Variants in EDN1 observed in about 807,000 individuals in gnomAD.
EDN1 encodes the protein endothelin 1.
Under a neutral mutation model 21.7 loss-of-function variants are expected in EDN1, and 11 were observed. The observed-to-expected ratio is 0.51, with a 90% confidence interval of 0.32 to 0.84. The LOEUF (loss-of-function observed/expected upper bound fraction) is 0.84, where lower values mean the gene tolerates loss of function less well. Ranked by LOEUF, EDN1 falls within the 40% of genes least tolerant of loss-of-function variation. The pLI, the probability that EDN1 is intolerant of heterozygous loss-of-function variation, is 0.03. For synonymous variants in EDN1, 85 were observed against 90.6 expected (o/e 0.94, Z 0.35); for missense variants, 244 against 262.3 (o/e 0.93, Z 0.48).
At position 12,294,055 on chromosome 6, in the gene EDN1, C is replaced by A; in HGVS notation, c.348C>A (p.Asp116Glu). ...ENRCQCASQKDKKCWNFCQAG... is the reference protein window; with the variant it reads ...ENRCQCASQKEKKCWNFCQAG... ...GATGCCAATGTGCTAGCCAAAAAGA[C>A]AAGAAGTGCTGGAATTTTTGCCAAG... Residue 116 changes from aspartate to glutamate, a missense_variant, in exon 3 of 5, where the codon GAC (aspartate) becomes GAA (glutamate). Physicochemically the swap from Asp to Glu is conservative, Grantham distance 45. Transcript: ENST00000379375. The A allele has an allele frequency of 2.5e-6, 4 of 1,614,168 alleles. No homozygotes were observed. Among genetic ancestry groups the A allele is most frequent in the Non-Finnish European group, 3.4e-6 (4 of 1,180,042 alleles).
the EDN1 span, among the ~76,000 whole-genome samples, chr6:12,251,626 T>A: frequency 5.3e-5 from 8 of 152,162 alleles, no homozygotes; most frequent in Non-Finnish European, 1.2e-4. Flanking sequence ...CCTGAAACAC[T>A]AAAACTCCCT....
the EDN1 span, among the ~76,000 whole-genome samples, chr6:12,266,856 A>G: frequency 3.3e-5 from 5 of 152,300 alleles, no homozygotes; most frequent in Middle Eastern, 3.4e-3. Context: ...GTGGTAGGGA[A>G]GAAGGGCAAA....
chr6:12,239,029 A>G, the EDN1 span, among the ~76,000 whole-genome samples: 1 of 152,228 alleles, frequency 6.6e-6, no homozygotes, highest in Non-Finnish European at 1.5e-5. Context: ...TCTTCAGTAT[A>G]AATTAGGCAG....
chr6:12,260,487 T>C, the EDN1 span, among the ~76,000 whole-genome samples: 1 of 152,222 alleles, frequency 6.6e-6, no homozygotes, highest in African/African-American at 2.4e-5. Context: ...TTTCCTGTTT[T>C]ATCAGTTTTA....
the EDN1 span, among the ~76,000 whole-genome samples, chr6:12,271,246 T>A: frequency 6.6e-6 from 1 of 152,154 alleles, no homozygotes; most frequent in East Asian, 1.9e-4. Context: ...GTTTTGTTTA[T>A]CTTCTGTCTC....
At chr6:12,289,326 A>AAATAT (rs1762618439), upstream of EDN1, among the ~76,000 whole-genome samples, 1 of 152,190 alleles carries the variant, frequency 6.6e-6, no homozygotes, top group East Asian at 1.9e-4. Context: ...CAAAAAAAAG[A>AAATAT]GTCCCAGAAA....
chr6:12,289,951 A>T (rs938250760), upstream of EDN1, among the ~76,000 whole-genome samples: 6 of 152,040 alleles, frequency 3.9e-5, no homozygotes, highest in African/African-American at 1.4e-4. Flanking sequence ...AGCAACAATT[A>T]AAAAAAATTC....
chr6:12,249,969 C>A, the EDN1 span, among the ~76,000 whole-genome samples: 1 of 151,940 alleles, frequency 6.6e-6, no homozygotes, highest in Admixed American at 6.6e-5. Context: ...GTTAAAACTT[C>A]TATTTGAAAC....
chr6:12,290,986 G>A (rs1453259768), intron 1 of EDN1, among the ~76,000 whole-genome samples: 1 of 152,190 alleles, frequency 6.6e-6, no homozygotes, highest in African/African-American at 2.4e-5. Flanking sequence ...AATGAGAAGA[G>A]TATGGACATA....
At chr6:12,275,429 T>C in the EDN1 span, among the ~76,000 whole-genome samples, 12 of 152,188 alleles carry the variant, frequency 7.9e-5, no homozygotes, top group Non-Finnish European at 1.5e-5. Context: ...CTCATTAAAA[T>C]AGACACCTTT....
intron 4 of EDN1, 73 bp from the exon 5 acceptor site, chr6:12,295,889 T>A: frequency 6.7e-7 from 1 of 1,496,930 alleles, no homozygotes; most frequent in African/African-American, 1.4e-5. Context: ...CAGATTCTAA[T>A]TTTACATGTT....
chr6:12,284,786 A>T, the EDN1 span, among the ~76,000 whole-genome samples: 1 of 151,880 alleles, frequency 6.6e-6, no homozygotes, highest in African/African-American at 2.4e-5. Context: ...AAAGAAAGAA[A>T]GAAAGAAAGA....
the EDN1 span, among the ~76,000 whole-genome samples, chr6:12,267,589 T>C: frequency 4.6e-5 from 7 of 151,980 alleles, no homozygotes; most frequent in Admixed American, 1.3e-4. Context: ...CTAGCAGAGG[T>C]TGGTTCATGA....
At chr6:12,262,852 A>T in the EDN1 span, among the ~76,000 whole-genome samples, 1 of 149,784 alleles carries the variant, frequency 6.7e-6, no homozygotes, top group Non-Finnish European at 1.5e-5. Context: ...AGTCTGGGTG[A>T]TAAAAGCAAA....
chr6:12,273,918 A>T, the EDN1 span, among the ~76,000 whole-genome samples: 1 of 152,190 alleles, frequency 6.6e-6, no homozygotes, highest in Non-Finnish European at 1.5e-5. Flanking sequence ...ATAAAACAGC[A>T]GTCTCTGTTA....
the EDN1 span, among the ~76,000 whole-genome samples, chr6:12,256,666 G>T: frequency 2.6e-4 from 39 of 152,242 alleles, 1 homozygote; most frequent in East Asian, 7.2e-3. Flanking sequence ...TGCTGGCTGA[G>T]GTTTTCTTGG....
At chr6:12,234,497 G>A in the EDN1 span, among the ~76,000 whole-genome samples, 1 of 152,216 alleles carries the variant, frequency 6.6e-6, no homozygotes, top group Non-Finnish European at 1.5e-5. Flanking sequence ...TTTTAAGTGA[G>A]GAAACGGAGG....
the EDN1 span, among the ~76,000 whole-genome samples, chr6:12,234,884 C>T: frequency 6.6e-6 from 1 of 152,202 alleles, no homozygotes; most frequent in Non-Finnish European, 1.5e-5. Flanking sequence ...AGTGACCAGA[C>T]TCTAGATCAT....
chr6:12,240,185 C>A, the EDN1 span, among the ~76,000 whole-genome samples: 1 of 152,152 alleles, frequency 6.6e-6, no homozygotes, highest in Admixed American at 6.5e-5. Flanking sequence ...CCTAAGGTGA[C>A]CACCTTTCCC....
Sources: allele counts gnomAD v4.1 joint callset (sites outside exome capture counted in the v4.1 genomes callset), GRCh38; gene constraint gnomAD v4.1.1; transcripts MANE v1.5; gene names NCBI Gene and HGNC (gene_info 2026-07-23, HGNC 2026-07-21).